Variants in CUX2 observed in about 807,000 individuals in gnomAD.
CUX2 encodes homeobox protein cut-like 2.
In CUX2, 40 loss-of-function variants were observed where a neutral mutation model predicts 144.8. The ratio of observed to expected loss-of-function variants is 0.28; its 90% confidence interval spans 0.21 to 0.36. The LOEUF (loss-of-function observed/expected upper bound fraction) is 0.36. Ranked by LOEUF, CUX2 falls within the 10% of genes least tolerant of loss-of-function variation. The probability of loss-of-function intolerance (pLI) is 1.00; values close to 1 mark genes in which losing one functional copy is unlikely to be tolerated. For missense variants in CUX2, 1,615 were observed against 1,994.0 expected (o/e 0.81, Z 3.62); for synonymous variants, 827 against 875.6 (o/e 0.94, Z 0.98).
intron 9 of CUX2, among the ~76,000 whole-genome samples, chr12:111,301,715 G>A (rs1886304588): frequency 6.6e-6 from 1 of 152,172 alleles, no homozygotes; most frequent in Non-Finnish European, 1.5e-5. Context: ...TGTTGCCCAA[G>A]CTGGTCTCAA....
intron 4 of CUX2, chr12:111,270,477 C>T (rs1293908397): frequency 6.6e-6 from 1 of 151,962 alleles, no homozygotes; most frequent in East Asian, 1.9e-4. Context: ...AGCAGTAAAA[C>T]GTGTTAAAAG....
chr12:111,214,880 C>A (rs969979110), intron 2 of CUX2, among the ~76,000 whole-genome samples: 22 of 152,118 alleles, frequency 1.4e-4, no homozygotes, highest in African/African-American at 5.3e-4. Flanking sequence ...TAAGGGCCCC[C>A]CAAGGAACAG....
intron 1 of CUX2, among the ~76,000 whole-genome samples, chr12:111,210,996 T>C (rs1380727165): frequency 6.6e-6 from 1 of 152,198 alleles, no homozygotes; most frequent in Non-Finnish European, 1.5e-5. Context: ...GACTGTAGTA[T>C]ATTTCCAAGC....
At position 111,295,466 on chromosome 12, in the gene CUX2, T is replaced by C; in HGVS notation, c.637+57T>C. 1 of 1,498,282 alleles carries C rather than the reference T, an allele frequency of 6.7e-7. No individual in the cohort carries two copies. Among genetic ancestry groups the C allele is most frequent in the East Asian group, 2.3e-5 (1 of 43,032 alleles). The allele number at this position is 1,498,282 out of a possible 1,614,324, so 92.8% of individuals were successfully genotyped here. A position where few individuals can be genotyped will look rare whatever the true frequency, so the allele number is the denominator to read the frequency against. ...GGACTGGGAGGGGACGGTAATGCTG[T>C]CAACGAGGGGTCACGGCTTGGGGTC... On this transcript the variant is annotated intron_variant, in intron 7 of 21. Coordinates refer to ENST00000261726, the MANE Select transcript of CUX2 (RefSeq NM_015267.4). The surrounding 1 kb of genome is among the most constrained non-coding windows in gnomAD (Gnocchi z 5.0).
At chr12:111,213,727 T>C (rs1881362867) in intron 1 of CUX2, among the ~76,000 whole-genome samples, 1 of 152,224 alleles carries the variant, frequency 6.6e-6, no homozygotes, top group Admixed American at 6.5e-5. Context: ...TAAGTCATAG[T>C]TGGAGCCGTT....
chr12:111,089,107 G>A (rs762082717), intron 1 of CUX2, among the ~76,000 whole-genome samples: 1 of 152,254 alleles, frequency 6.6e-6, no homozygotes, highest in African/African-American at 2.4e-5. Flanking sequence ...TCCAAGTGGA[G>A]ATGCAGTTCT....
At chr12:111,165,607 C>A (rs1364407432) in intron 1 of CUX2, among the ~76,000 whole-genome samples, 1 of 152,166 alleles carries the variant, frequency 6.6e-6, no homozygotes, top group Non-Finnish European at 1.5e-5. Context: ...TGTATCTGGG[C>A]CTCATTGTCC....
intron 1 of CUX2, among the ~76,000 whole-genome samples, chr12:111,107,924 C>G (rs1269219131): frequency 6.6e-6 from 1 of 152,176 alleles, no homozygotes; most frequent in African/African-American, 2.4e-5. Flanking sequence ...ATTAACGTGG[C>G]TGAAACACCA....
intron 1 of CUX2, among the ~76,000 whole-genome samples, chr12:111,085,701 C>T (rs1365278201): frequency 2.6e-5 from 4 of 152,204 alleles, no homozygotes; most frequent in African/African-American, 4.8e-5. Flanking sequence ...GCACATCTTT[C>T]GCCTTTATTC....
intron 1 of CUX2, among the ~76,000 whole-genome samples, chr12:111,064,156 C>G (rs1010953773): frequency 6.6e-5 from 10 of 152,142 alleles, no homozygotes; most frequent in African/African-American, 1.7e-4. Context: ...AGACCCTGGG[C>G]CTTCCAAGCT....
At chr12:111,154,758 GTTC>G (rs1877269368) in intron 1 of CUX2, among the ~76,000 whole-genome samples, 1 of 152,198 alleles carries the variant, frequency 6.6e-6, no homozygotes, top group South Asian at 2.1e-4. Context: ...GACCTGAATT[GTTC>G]TTCTGTGGAC....
At chr12:111,191,591 G>A (rs930805619) in intron 1 of CUX2, among the ~76,000 whole-genome samples, 1 of 152,176 alleles carries the variant, frequency 6.6e-6, no homozygotes, top group Non-Finnish European at 1.5e-5. Context: ...CCCCCAAAGT[G>A]TCGGGATTAC....
intron 3 of CUX2, among the ~76,000 whole-genome samples, chr12:111,249,931 T>C (rs924808158): frequency 6.6e-6 from 1 of 152,198 alleles, no homozygotes; most frequent in African/African-American, 2.4e-5. Flanking sequence ...GACACAATTA[T>C]TCACTATAGT....
chr12:111,170,895 C>A (rs1278947568), intron 1 of CUX2, among the ~76,000 whole-genome samples: 2 of 152,038 alleles, frequency 1.3e-5, no homozygotes, highest in African/African-American at 4.8e-5. Flanking sequence ...CATGTGGAAG[C>A]CATGGGAGTG....
intron 9 of CUX2, 79 bp downstream of exon 9, chr12:111,298,668 G>A (rs1398343467): frequency 6.8e-6 from 9 of 1,328,124 alleles, no homozygotes; most frequent in Non-Finnish European, 9.5e-6. Context: ...AGATGAGGAG[G>A]AAGGGACTGA....
chr12:111,075,745 T>G (rs1871499285), intron 1 of CUX2, among the ~76,000 whole-genome samples: 1 of 152,196 alleles, frequency 6.6e-6, no homozygotes, highest in African/African-American at 2.4e-5. Context: ...GTCTCATTAT[T>G]TGTCCTTACT....
At chr12:111,335,479 G>A (rs1888311412) in intron 19 of CUX2, among the ~76,000 whole-genome samples, 1 of 152,082 alleles carries the variant, frequency 6.6e-6, no homozygotes. Flanking sequence ...GGGAGGCCAA[G>A]GCAGGCGAAT....
chr12:111,320,583 G>C lies in CUX2; in HGVS notation c.2574G>C (p.Thr858=), dbSNP rs544241130. 5.3e-6 allele frequency: 8 copies of C among 1,516,114 alleles called. No individual in the cohort carries two copies. In the African/African-American group the frequency reaches 1.1e-4, roughly 21 times the overall value. The allele number at this position is 1,516,114 out of a possible 1,614,324, so 93.9% of individuals were successfully genotyped here. The change falls in exon 17 of 22, where the codon ACG becomes ACC. Residue 858 remains threonine, a synonymous_variant. Coordinates refer to ENST00000261726, the MANE Select transcript of CUX2 (RefSeq NM_015267.4). This position sits in a 1 kb window ranked among gnomAD's most constrained non-coding sequence, Gnocchi z 8.1. ...GCGAGCTCAAGGCTGAGGGCGCGAC[G>C]GCCGAGGCGGGCGCGCGGCTGCCCT... ...RTGELKAEGA[T]AEAGARLPYY...
rs147125220 is a variant in CUX2, at chr12:111,224,940, C to G, written c.222+7003C>G. The stretch of plus-strand genomic sequence containing the variant: ...TTTTAATTTTTGAGACAGAGTTGCT[C>G]TGTTTCCCAGGCTGGAGTGCATTGG... On this transcript the variant is annotated intron_variant, in intron 3 of 21. Transcript: ENST00000261726. 1.1e-3 allele frequency among the ~76,000 whole-genome samples: 170 copies of G among 152,218 alleles called. 1 individual carries two copies. The highest frequency in any genetic ancestry group is 3.9e-3 in the African/African-American group (160 of 41,514).
Sources: allele counts gnomAD v4.1 joint callset (sites outside exome capture counted in the v4.1 genomes callset), GRCh38; gene constraint gnomAD v4.1.1; non-coding constraint Gnocchi (gnomAD v3.1); transcripts MANE v1.5; gene names NCBI Gene and HGNC (gene_info 2026-07-23, HGNC 2026-07-21).